TRPS1: variants seen among roughly 807,000 people sequenced by gnomAD.
The protein encoded by TRPS1 is transcriptional repressor GATA binding 1.
In TRPS1, 6 loss-of-function variants were observed where a neutral mutation model predicts 101.2. The ratio of observed to expected loss-of-function variants is 0.06; its 90% CI spans 0.03 to 0.12. The LOEUF (loss-of-function observed/expected upper bound fraction) is 0.12, where lower values mean the gene tolerates loss of function less well. Among genes scored for constraint, TRPS1 ranks in the 10% least tolerant of loss-of-function variants. The pLI is 1.00. For synonymous variants in TRPS1, 578 were observed against 589.8 expected (o/e 0.98, Z 0.29); for missense variants, 1,363 against 1,567.0 (o/e 0.87, Z 2.20).
Position 115,550,893 on chromosome 8 carries a change from G to A in TRPS1, c.2700+36108C>T, listed in dbSNP as rs544973865. ...CTTCAGTTGGAGGAAACCGAAACAC[G>A]GACAATTTCATGCTAACATGGAATA... On this transcript the variant is annotated intron_variant, in intron 5 of 6. Transcript: ENST00000395715. Among the ~76,000 whole-genome samples the A allele has an allele frequency of 1.3e-4, 20 of 152,212 alleles. No homozygotes were observed. In the East Asian group the frequency reaches 3.5e-3, roughly 26 times the overall value.
intron 5 of TRPS1, among the ~76,000 whole-genome samples, chr8:115,578,576 T>C (rs569837090): frequency 7.2e-5 from 11 of 152,150 alleles, no homozygotes; most frequent in African/African-American, 1.7e-4. Flanking sequence ...AAAATGAACA[T>C]TGTGGGATGT....
intron 5 of TRPS1, among the ~76,000 whole-genome samples, chr8:115,467,804 C>T (rs1330910610): frequency 6.6e-6 from 1 of 152,186 alleles, no homozygotes; most frequent in Non-Finnish European, 1.5e-5. Context: ...ACACCTCAAA[C>T]TTCTCTGCTA....
At chr8:115,575,399 G>A (rs1817295555) in intron 5 of TRPS1, among the ~76,000 whole-genome samples, 1 of 152,126 alleles carries the variant, frequency 6.6e-6, no homozygotes, top group Non-Finnish European at 1.5e-5. Context: ...GCATGTCTAT[G>A]TGTGTGAGTG....
At chr8:115,662,865 G>A (rs1418103727) in intron 1 of TRPS1, among the ~76,000 whole-genome samples, 1 of 151,836 alleles carries the variant, frequency 6.6e-6, no homozygotes, top group Non-Finnish European at 1.5e-5. Flanking sequence ...TCCTTCCTCT[G>A]CACATAAAAA....
At chr8:115,611,116 C>CAA (rs752834152) in intron 3 of TRPS1, among the ~76,000 whole-genome samples, 36 of 64,970 alleles carry the variant, frequency 5.5e-4, no homozygotes, top group Admixed American at 1.1e-3. Flanking sequence ...GACTCCATAT[C>CAA]AAAAAAAAAA....
chr8:115,414,456 C>T lies in TRPS1; in HGVS notation c.3452G>A (p.Cys1151Tyr). Residue 1151 changes from cysteine to tyrosine, a missense_variant, in exon 7 of 7, where the codon TGC (cysteine) becomes TAC (tyrosine). Physicochemically the swap from Cys to Tyr is radical, Grantham distance 194 (BLOSUM62 -2). Transcript: ENST00000395715. This position sits in a 1 kb window ranked among gnomAD's most constrained non-coding sequence, Gnocchi z 4.8. ...GGTGGGATAAGGCACATAGTTTTGG[C>T]AAGGATTTGGTAGGCCAGGCACGTG... The part of the protein sequence containing the change: ...LSHVPGLPNP[C>Y]QNYVPYPTFN... 6.2e-7 allele frequency: 1 copy of T among 1,613,898 alleles called. No individual in the cohort carries two copies. The highest frequency in any genetic ancestry group is 8.5e-7 in the Non-Finnish European group (1 of 1,179,960).
intron 4 of TRPS1, among the ~76,000 whole-genome samples, chr8:115,597,562 T>C (rs1817815976): frequency 6.6e-6 from 1 of 152,116 alleles, no homozygotes; most frequent in Non-Finnish European, 1.5e-5. Flanking sequence ...AGAATTTGTA[T>C]ATTTTTATCA....
rs376067885 is a variant in TRPS1, at chr8:115,589,023, T to C, written c.2097-1419A>G. Among the ~76,000 whole-genome samples, 6 of 152,066 alleles carry C rather than the reference T, an allele frequency of 3.9e-5. No homozygotes were observed. In the East Asian group the frequency reaches 9.7e-4, roughly 24 times the overall value. On this transcript the variant is annotated intron_variant, in intron 4 of 6. Coordinates refer to ENST00000395715, the MANE Select transcript of TRPS1 (RefSeq NM_014112.5). ...ATAGTAATTGGTATAAAGGGCTGCG[T>C]AGGTAATCAGGAAGGACTTTCTGAG...
intron 5 of TRPS1, among the ~76,000 whole-genome samples, chr8:115,517,571 G>T (rs1453304446): frequency 0.062 from 4 of 64 alleles, no homozygotes; most frequent in Non-Finnish European, 0.13. Context: ...GTTGTGAAAA[G>T]AAGTCCTATG....
chr8:115,626,710 T>C (rs1418763598), intron 1 of TRPS1, among the ~76,000 whole-genome samples: 1 of 151,820 alleles, frequency 6.6e-6, no homozygotes, highest in African/African-American at 2.4e-5. Context: ...TAACATATGC[T>C]TCAGAGCACA....
At chr8:115,468,273 G>A (rs2130002746) in intron 5 of TRPS1, among the ~76,000 whole-genome samples, 1 of 152,086 alleles carries the variant, frequency 6.6e-6, no homozygotes, top group Middle Eastern at 3.4e-3. Context: ...TACCTATTCT[G>A]CTTAATTAAA....
chr8:115,485,827 G>T (rs1814865400), intron 5 of TRPS1, among the ~76,000 whole-genome samples: 1 of 152,222 alleles, frequency 6.6e-6, no homozygotes, highest in Non-Finnish European at 1.5e-5. Flanking sequence ...GGATGGTCAG[G>T]AGAGAGGAAA....
intron 3 of TRPS1, among the ~76,000 whole-genome samples, chr8:115,608,825 A>T (rs1818098253): frequency 6.6e-6 from 1 of 151,566 alleles, no homozygotes; most frequent in African/African-American, 2.4e-5. Flanking sequence ...TTTATTTGTA[A>T]TTAACTGAAA....
chr8:115,511,627 C>T (rs542865726), intron 5 of TRPS1, among the ~76,000 whole-genome samples: 42 of 151,952 alleles, frequency 2.8e-4, no homozygotes, highest in African/African-American at 5.5e-4. Flanking sequence ...AGACCCACAG[C>T]GACCTGACAA....
intron 5 of TRPS1, among the ~76,000 whole-genome samples, chr8:115,559,762 A>C (rs1816905007): frequency 6.6e-6 from 1 of 152,106 alleles, no homozygotes; most frequent in African/African-American, 2.4e-5. Flanking sequence ...ATTCCTGTAA[A>C]ATCTTACCCT....
At chr8:115,461,425 G>A (rs1357253490) in intron 5 of TRPS1, among the ~76,000 whole-genome samples, 1 of 152,098 alleles carries the variant, frequency 6.6e-6, no homozygotes. Context: ...TTTTGTTGAA[G>A]CAATCAATAG....
chr8:115,474,522 T>C (rs1814550775), intron 5 of TRPS1, among the ~76,000 whole-genome samples: 1 of 152,122 alleles, frequency 6.6e-6, no homozygotes, highest in African/African-American at 2.4e-5. Flanking sequence ...TCTCATATTG[T>C]AGCTTAAATT....
chr8:115,655,374 T>G (rs1811654908), intron 1 of TRPS1, among the ~76,000 whole-genome samples: 1 of 152,162 alleles, frequency 6.6e-6, no homozygotes, highest in African/African-American at 2.4e-5. Context: ...TTTCTCCTTT[T>G]GTGGGAAGCT....
chr8:115,521,715 T>TA (rs1157943624), intron 5 of TRPS1, among the ~76,000 whole-genome samples: 2 of 151,948 alleles, frequency 1.3e-5, no homozygotes, highest in East Asian at 3.9e-4. Flanking sequence ...ATACTTTATT[T>TA]AAAAAATAGC....
Sources: gnomAD v4.1 joint callset for allele counts (sites outside exome capture counted in the v4.1 genomes callset) on GRCh38, gnomAD v4.1.1 for gene constraint, Gnocchi (gnomAD v3.1) non-coding constraint, MANE v1.5 for transcripts, NCBI Gene and HGNC (gene_info 2026-07-23, HGNC 2026-07-21) for gene names.